Variants in CADM2 observed in about 807,000 individuals in gnomAD.
CADM2 encodes immunoglobulin superfamily member 4D.
In CADM2, 12 loss-of-function variants were observed where a neutral mutation model predicts 49.8. The ratio of observed to expected loss-of-function variants is 0.24; its 90% CI spans 0.15 to 0.39. The LOEUF (loss-of-function observed/expected upper bound fraction) is 0.39, where lower values mean the gene tolerates loss of function less well. Ranked by LOEUF, CADM2 falls within the 10% of genes least tolerant of loss-of-function variation. The pLI is 1.00. For synonymous variants in CADM2, 214 were observed against 175.4 expected, an observed-to-expected ratio of 1.22 and a Z score of -1.74; for missense variants, 378 against 492.3, an observed-to-expected ratio of 0.77 and a Z score of 2.20.
At chr3:85,886,133 T>A (rs1404899414) in intron 4 of CADM2, 57 bp from the exon 5 acceptor site, 1 of 1,598,406 alleles carries the variant, frequency 6.3e-7, no homozygotes, top group Non-Finnish European at 8.6e-7. Context: ...GTAATAGACA[T>A]AATAACAAAT....
intron 1 of CADM2, among the ~76,000 whole-genome samples, chr3:85,404,212 C>A (rs1276279480): frequency 1.3e-5 from 2 of 152,186 alleles, no homozygotes; most frequent in Non-Finnish European, 2.9e-5. Flanking sequence ...TTGTACAATG[C>A]AGACCATCAT....
At chr3:85,813,259 GT>G (rs1040343216) in intron 3 of CADM2, among the ~76,000 whole-genome samples, 4 of 152,110 alleles carry the variant, frequency 2.6e-5, no homozygotes, top group Admixed American at 2.0e-4. Flanking sequence ...GTGTGTGATG[GT>G]ATCTCACTGT....
At chr3:85,433,597 G>T (rs866773916) in intron 1 of CADM2, among the ~76,000 whole-genome samples, 2 of 152,096 alleles carry the variant, frequency 1.3e-5, no homozygotes, top group Middle Eastern at 3.2e-3. Context: ...AGCAAATAAG[G>T]ATGGGTTATG....
intron 2 of CADM2, among the ~76,000 whole-genome samples, chr3:85,752,582 C>G (rs976122472): frequency 6.6e-6 from 1 of 151,982 alleles, no homozygotes; most frequent in African/African-American, 2.4e-5. Flanking sequence ...AAGGATTAAA[C>G]TTTTGCATTG....
chr3:85,178,543 G>A (rs1190889560), intron 1 of CADM2, among the ~76,000 whole-genome samples: 2 of 151,806 alleles, frequency 1.3e-5, no homozygotes, highest in African/African-American at 4.8e-5. Flanking sequence ...GGAGGCCCAT[G>A]TATTACATAC....
chr3:85,791,461 T>A (rs1362259441), intron 2 of CADM2, among the ~76,000 whole-genome samples: 1 of 150,754 alleles, frequency 6.6e-6, no homozygotes. Context: ...AGACACAGGT[T>A]CTTTGTATAA....
intron 3 of CADM2, among the ~76,000 whole-genome samples, chr3:85,857,980 T>C (rs907295422): frequency 6.6e-6 from 1 of 152,220 alleles, no homozygotes; most frequent in African/African-American, 2.4e-5. Flanking sequence ...AATATAATAA[T>C]AAGCTGACTA....
rs2070344203 is a variant in CADM2, at chr3:85,776,064, G to T, written c.89-25983G>T. On this transcript the variant is annotated intron_variant, in intron 2 of 9. Coordinates refer to ENST00000383699, the MANE Select transcript of CADM2 (RefSeq NM_001167675.2). ...TTAAAAATATCTGTGAATTTCTCTT[G>T]GGGGTTATAATGAGAATATATAAGA... Among the ~76,000 whole-genome samples the T allele has an allele frequency of 2.6e-5, 4 of 151,654 alleles. No individual in the cohort carries two copies. The South Asian group carries it at 8.3e-4, about 32-fold the overall frequency.
intron 1 of CADM2, among the ~76,000 whole-genome samples, chr3:85,376,700 C>T (rs565048466): frequency 6.6e-6 from 1 of 152,088 alleles, no homozygotes; most frequent in African/African-American, 2.4e-5. Context: ...TAAAGGAGAT[C>T]ATTGTTTGGC....
chr3:85,449,662 A>G (rs1420368744), intron 1 of CADM2, among the ~76,000 whole-genome samples: 1 of 152,126 alleles, frequency 6.6e-6, no homozygotes, highest in African/African-American at 2.4e-5. Flanking sequence ...CATTGACTTA[A>G]ACATCATGTT....
intron 8 of CADM2, among the ~76,000 whole-genome samples, chr3:86,010,557 C>T (rs1577939859): frequency 6.6e-6 from 1 of 150,940 alleles, no homozygotes; most frequent in Non-Finnish European, 1.5e-5. Flanking sequence ...TAACAGCTAA[C>T]CTAACAAATA....
At chr3:85,415,784 A>G (rs761923588) in intron 1 of CADM2, among the ~76,000 whole-genome samples, 14 of 152,010 alleles carry the variant, frequency 9.2e-5, no homozygotes, top group Non-Finnish European at 1.9e-4. Flanking sequence ...GGGATTTAAA[A>G]CTCATCTGCA....
At chr3:85,976,892 A>G (rs1260784289) in intron 8 of CADM2, among the ~76,000 whole-genome samples, 1 of 151,594 alleles carries the variant, frequency 6.6e-6, no homozygotes, top group Non-Finnish European at 1.5e-5. Context: ...TGGATTAACA[A>G]TTATTAAAAC....
At chr3:85,335,657 T>C (rs1420270216) in intron 1 of CADM2, among the ~76,000 whole-genome samples, 1 of 151,452 alleles carries the variant, frequency 6.6e-6, no homozygotes, top group Non-Finnish European at 1.5e-5. Flanking sequence ...GAAAATGATA[T>C]AACAAAGTTT....
chr3:85,237,396 A>G (rs1420741536), intron 1 of CADM2, among the ~76,000 whole-genome samples: 1 of 151,912 alleles, frequency 6.6e-6, no homozygotes, highest in Non-Finnish European at 1.5e-5. Context: ...CATGGAGAAT[A>G]ATCCTAATTT....
At chr3:85,779,426 G>A (rs1002832216) in intron 2 of CADM2, among the ~76,000 whole-genome samples, 4 of 152,116 alleles carry the variant, frequency 2.6e-5, no homozygotes, top group African/African-American at 9.7e-5. Context: ...AAGGAAAGAG[G>A]TTTAATTGAC....
intron 1 of CADM2, among the ~76,000 whole-genome samples, chr3:85,553,214 A>G (rs1250179935): frequency 2.0e-5 from 3 of 152,184 alleles, no homozygotes; most frequent in Non-Finnish European, 4.4e-5. Context: ...AATGGGACCA[A>G]GAGTTATTAA....
chr3:85,242,839 G>C (rs1475054666), intron 1 of CADM2, among the ~76,000 whole-genome samples: 1 of 151,434 alleles, frequency 6.6e-6, no homozygotes, highest in African/African-American at 2.4e-5. Flanking sequence ...TTCTGTTTTG[G>C]TTGTGGAATT....
intron 1 of CADM2, among the ~76,000 whole-genome samples, chr3:85,721,985 G>C (rs549448422): frequency 1.5e-4 from 23 of 152,328 alleles, no homozygotes; most frequent in Middle Eastern, 6.8e-3. Context: ...GGAGGCCCTG[G>C]AGTGGGTAGT....
Sources: gnomAD v4.1 joint callset for allele counts (sites outside exome capture counted in the v4.1 genomes callset) on GRCh38, gnomAD v4.1.1 for gene constraint, MANE v1.5 for transcripts, NCBI Gene and HGNC (gene_info 2026-07-23, HGNC 2026-07-21) for gene names.